ADCY2: variants seen among roughly 807,000 people sequenced by gnomAD.
The protein encoded by ADCY2 is adenylate cyclase 2.
In ADCY2, 31 loss-of-function variants were observed where a neutral mutation model predicts 125.2. That is an observed-to-expected ratio of 0.25 (90% CI 0.19 to 0.33). The LOEUF is 0.33. Ranked by LOEUF, ADCY2 falls within the 10% of genes least tolerant of loss-of-function variation. The probability of loss-of-function intolerance (pLI) is 1.00; values close to 1 mark genes in which losing one functional copy is unlikely to be tolerated. For missense variants in ADCY2, 904 were observed against 1,418.2 expected (o/e 0.64, Z 5.82); for synonymous variants, 512 against 548.4 (o/e 0.93, Z 0.93).
intron 2 of ADCY2, among the ~76,000 whole-genome samples, chr5:7,423,970 T>A (rs911225464): frequency 1.3e-5 from 2 of 152,214 alleles, no homozygotes; most frequent in Admixed American, 6.5e-5. Flanking sequence ...AGGAGTCCGA[T>A]GTAAATTATT....
intron 3 of ADCY2, among the ~76,000 whole-genome samples, chr5:7,553,800 G>A (rs1391107019): frequency 1.3e-5 from 2 of 152,156 alleles, no homozygotes; most frequent in African/African-American, 2.4e-5. Flanking sequence ...CAGTGCTTGG[G>A]AGCACCCAAT....
At chr5:7,470,387 T>C (rs1742289930) in intron 2 of ADCY2, among the ~76,000 whole-genome samples, 1 of 151,488 alleles carries the variant, frequency 6.6e-6, no homozygotes, top group African/African-American at 2.4e-5. Flanking sequence ...TTTGTTTAGC[T>C]CTTTTAGAAT....
At chr5:7,497,735 C>A (rs887061563) in intron 2 of ADCY2, among the ~76,000 whole-genome samples, 12 of 149,912 alleles carry the variant, frequency 8.0e-5, no homozygotes. Flanking sequence ...GAAATTGCAC[C>A]GAAAAAAAAA....
intron 3 of ADCY2, among the ~76,000 whole-genome samples, chr5:7,596,209 C>A (rs1444374200): frequency 6.6e-6 from 1 of 151,898 alleles, no homozygotes; most frequent in Non-Finnish European, 1.5e-5. Flanking sequence ...TAACTAGACA[C>A]ACAAAATGAT....
intron 2 of ADCY2, among the ~76,000 whole-genome samples, chr5:7,415,305 T>C (rs1739896237): frequency 2.0e-5 from 3 of 152,188 alleles, no homozygotes; most frequent in South Asian, 4.1e-4. Flanking sequence ...CTTTGACTCA[T>C]GGTCAAAGTC....
At chr5:7,804,805 T>A in intron 22 of ADCY2, 113 bp downstream of exon 22, 1 of 751,954 alleles carries the variant, frequency 1.3e-6, no homozygotes, top group Non-Finnish European at 2.3e-6. Context: ...TTGTACAACC[T>A]AAAGCTCAGG....
chr5:7,647,326 A>T (rs1308941025), intron 4 of ADCY2, among the ~76,000 whole-genome samples: 3 of 152,178 alleles, frequency 2.0e-5, no homozygotes, highest in Non-Finnish European at 4.4e-5. Flanking sequence ...GACAAATTGT[A>T]GGCATGAGAG....
chr5:7,809,225 T>C (rs1744857961), intron 22 of ADCY2, among the ~76,000 whole-genome samples: 1 of 152,216 alleles, frequency 6.6e-6, no homozygotes, highest in South Asian at 2.1e-4. Context: ...AAATATGATA[T>C]GTAGTCATAT....
At chr5:7,480,566 A>G (rs973202896) in intron 2 of ADCY2, among the ~76,000 whole-genome samples, 2 of 152,126 alleles carry the variant, frequency 1.3e-5, no homozygotes, top group Admixed American at 1.3e-4. Context: ...ACACATGGAC[A>G]CATAGAGGGG....
intron 20 of ADCY2, among the ~76,000 whole-genome samples, chr5:7,792,240 A>G (rs1031817751): frequency 1.8e-4 from 27 of 149,224 alleles, no homozygotes; most frequent in Middle Eastern, 6.9e-3. Flanking sequence ...AAAAAAAAAA[A>G]AAAAATTAGC....
At chr5:7,795,600 G>T (rs1171982586) in intron 20 of ADCY2, 2 of 152,250 alleles carry the variant, frequency 1.3e-5, no homozygotes, top group Non-Finnish European at 2.9e-5. Flanking sequence ...TGTGTGGGTT[G>T]CCCCGGCATC....
At chr5:7,429,706 G>A (rs1259291659) in intron 2 of ADCY2, among the ~76,000 whole-genome samples, 1 of 152,184 alleles carries the variant, frequency 6.6e-6, no homozygotes, top group Non-Finnish European at 1.5e-5. Context: ...AAAGTATCTT[G>A]AATTCAATGA....
At chr5:7,779,404 C>T (rs567896228) in intron 18 of ADCY2, among the ~76,000 whole-genome samples, 4 of 152,304 alleles carry the variant, frequency 2.6e-5, no homozygotes, top group Non-Finnish European at 4.4e-5. Context: ...TTCTAATCAT[C>T]AGTTCTTCCA....
chr5:7,460,464 A>T (rs538054721), intron 2 of ADCY2, among the ~76,000 whole-genome samples: 4 of 152,160 alleles, frequency 2.6e-5, no homozygotes, highest in East Asian at 1.9e-4. Context: ...TGTTTTTAAA[A>T]TTTTTTTCAC....
intron 1 of ADCY2, among the ~76,000 whole-genome samples, chr5:7,407,497 T>C (rs550299215): frequency 6.6e-6 from 1 of 151,602 alleles, no homozygotes; most frequent in African/African-American, 2.4e-5. Flanking sequence ...GAGCGAGCAA[T>C]GGGGAACTGC....
intron 4 of ADCY2, among the ~76,000 whole-genome samples, chr5:7,646,286 T>C (rs1738892195): frequency 6.6e-6 from 1 of 151,226 alleles, no homozygotes; most frequent in African/African-American, 2.4e-5. Flanking sequence ...ATTGAGGTAA[T>C]GGACATATTT....
chr5:7,568,292 C>G (rs11957111), intron 3 of ADCY2, among the ~76,000 whole-genome samples: 12,327 of 152,238 alleles, frequency 0.081, 711 homozygotes, highest in Non-Finnish European at 0.12. Flanking sequence ...ATCTTTGGCA[C>G]TCCAGCCTTT....
chr5:7,618,992 G>A (rs1013200913), intron 3 of ADCY2, among the ~76,000 whole-genome samples: 2 of 152,196 alleles, frequency 1.3e-5, no homozygotes, highest in African/African-American at 2.4e-5. Context: ...ACAGAGACCA[G>A]CATTTTTAGT....
At chr5:7,539,364 A>T (rs565906317) in intron 3 of ADCY2, among the ~76,000 whole-genome samples, 10 of 152,174 alleles carry the variant, frequency 6.6e-5, no homozygotes, top group Admixed American at 3.3e-4. Flanking sequence ...TTAAAAAAAA[A>T]AAAATAAAAC....
Sources: gnomAD v4.1 joint callset for allele counts (sites outside exome capture counted in the v4.1 genomes callset) on GRCh38, gnomAD v4.1.1 for gene constraint, MANE v1.5 for transcripts, NCBI Gene and HGNC (gene_info 2026-07-23, HGNC 2026-07-21) for gene names.